TBC1D15: variants seen among roughly 807,000 people sequenced by gnomAD.
The protein encoded by TBC1D15 is GAP for RAB7.
Under a neutral mutation model 95.4 loss-of-function variants are expected in TBC1D15, and 39 were observed. The ratio of observed to expected loss-of-function variants is 0.41; its 90% CI spans 0.32 to 0.53. The LOEUF (loss-of-function observed/expected upper bound fraction) is 0.53. TBC1D15 is among the 20% of genes least tolerant of loss of function. The pLI is 0.29. For missense variants in TBC1D15, 733 were observed against 794.3 expected, an observed-to-expected ratio of 0.92 and a Z score of 0.93; for synonymous variants, 258 against 261.3, an observed-to-expected ratio of 0.99 and a Z score of 0.12.
chr12:71,919,219 TTA>T (rs1322706164), intron 14 of TBC1D15, among the ~76,000 whole-genome samples: 20 of 150,692 alleles, frequency 1.3e-4, no homozygotes, highest in African/African-American at 3.7e-4. Flanking sequence ...TTTTTTTTTT[TTA>T]AAGAGAAGGG....
chr12:71,896,182 T>A (rs902495490), intron 8 of TBC1D15, 107 bp downstream of exon 8: 1 of 1,124,144 alleles, frequency 8.9e-7, no homozygotes, highest in Non-Finnish European at 1.2e-6. Flanking sequence ...TTGGTTTTTT[T>A]TTTTTTTGGT....
At position 71,895,402 on chromosome 12, in the gene TBC1D15, CTTAA is replaced by C. The variant is rs200753666; in HGVS notation, c.855+524_855+527del. On this transcript the variant is annotated intron_variant, in intron 7 of 16. Coordinates refer to ENST00000485960, the MANE Select transcript of TBC1D15 (RefSeq NM_001146213.3). ...AACTATAAATATCTAAATTTTAGTG[CTTAA>C]TTAAAGGGTTTATCTTGCAAATACT... is the stretch of plus-strand genomic sequence containing the variant. Among the ~76,000 whole-genome samples the C allele has an allele frequency of 7.3e-4, 111 of 152,048 alleles. 1 individual carries two copies. In the East Asian group the frequency reaches 0.02, roughly 27 times the overall value.
At chr12:71,861,277 T>C (rs986251295) in intron 1 of TBC1D15, 2 of 443,474 alleles carry the variant, frequency 4.5e-6, no homozygotes, top group Non-Finnish European at 3.9e-6. Flanking sequence ...TTGGGAAGAA[T>C]TGACATTTGT....
At chr12:71,878,997 T>C (rs1017033417) in intron 3 of TBC1D15, among the ~76,000 whole-genome samples, 7 of 152,208 alleles carry the variant, frequency 4.6e-5, no homozygotes, top group Admixed American at 4.6e-4. Flanking sequence ...TTTTCATTCT[T>C]ACTAATTTTC....
intron 1 of TBC1D15, among the ~76,000 whole-genome samples, chr12:71,865,823 AG>A (rs1891375098): frequency 6.6e-6 from 1 of 152,090 alleles, no homozygotes; most frequent in Non-Finnish European, 1.5e-5. Flanking sequence ...CCAGTTTCCC[AG>A]GGAGTGATAT....
At chr12:71,887,485 A>G (rs1337393771) in intron 5 of TBC1D15, among the ~76,000 whole-genome samples, 3 of 152,156 alleles carry the variant, frequency 2.0e-5, no homozygotes, top group Non-Finnish European at 4.4e-5. Context: ...CTTAAAACTC[A>G]TCTCATGCCA....
chr12:71,923,287 G>T lies in TBC1D15; in HGVS notation c.*83G>T. The T allele has an allele frequency of 7.8e-7, 1 of 1,276,908 alleles. No individual in the cohort carries two copies. The highest frequency in any genetic ancestry group is 1.1e-6 in the Non-Finnish European group (1 of 891,174). 79.1% of individuals were successfully genotyped at this position (1,276,908 alleles called of 1,614,324 possible). On this transcript the variant is annotated 3_prime_UTR_variant, in exon 17 of 17. Transcript: ENST00000485960. ...TGAAAGTTGAAAATTTGAAATCTTGGTATTGATCATGCTTTAAGGTTTATG... is the reference window on the plus strand; with the variant it reads ...TGAAAGTTGAAAATTTGAAATCTTGTTATTGATCATGCTTTAAGGTTTATG...
intron 3 of TBC1D15, among the ~76,000 whole-genome samples, chr12:71,876,037 C>T (rs1464737412): frequency 6.6e-6 from 1 of 152,132 alleles, no homozygotes; most frequent in Non-Finnish European, 1.5e-5. Flanking sequence ...TCGTGATCTG[C>T]CTGCCTTGGC....
intron 1 of TBC1D15, among the ~76,000 whole-genome samples, chr12:71,846,444 A>T (rs562054923): frequency 6.6e-6 from 1 of 152,330 alleles, no homozygotes; most frequent in African/African-American, 2.4e-5. Context: ...AGGAACTCTA[A>T]TACCTTTTAA....
chr12:71,902,877 CA>C, intron 10 of TBC1D15, among the ~76,000 whole-genome samples: 1 of 152,056 alleles, frequency 6.6e-6, no homozygotes, highest in African/African-American at 2.4e-5. Context: ...AATCAACAAG[CA>C]AAAACAACCC....
intron 5 of TBC1D15, among the ~76,000 whole-genome samples, chr12:71,886,913 A>G (rs1303616028): frequency 5.3e-5 from 8 of 152,134 alleles, no homozygotes; most frequent in Non-Finnish European, 1.0e-4. Flanking sequence ...AAATGAGATC[A>G]TTTGGTCTGA....
At chr12:71,896,489 C>G in intron 8 of TBC1D15, 188 bp from the exon 9 acceptor site, 1 of 588,974 alleles carries the variant, frequency 1.7e-6, no homozygotes, top group South Asian at 2.2e-5. Context: ...ACTGTTTAAA[C>G]TTTCTGGCAG....
chr12:71,887,736 C>T (rs1233213299), intron 5 of TBC1D15, among the ~76,000 whole-genome samples: 1 of 152,168 alleles, frequency 6.6e-6, no homozygotes, highest in Non-Finnish European at 1.5e-5. Context: ...TTGCTTCCTT[C>T]ATGGCATCTA....
Position 71,872,909 on chromosome 12 carries a change from T to C in TBC1D15, c.130-20T>C. 2.6e-6 allele frequency: 4 copies of C among 1,548,504 alleles called. No homozygotes were observed. Among genetic ancestry groups the C allele is most frequent in the Non-Finnish European group, 3.5e-6 (4 of 1,135,606 alleles). On this transcript the variant is annotated intron_variant, in intron 2 of 16. Transcript: ENST00000485960. ...ACATATTGCTGAATATTAAATATAG[T>C]TCATAATTTCTTTCTCTAGGATGCC... is the stretch of plus-strand genomic sequence containing the variant.
At chr12:71,909,648 G>A (rs1263828295) in intron 11 of TBC1D15, among the ~76,000 whole-genome samples, 1 of 152,078 alleles carries the variant, frequency 6.6e-6, no homozygotes, top group Non-Finnish European at 1.5e-5. Flanking sequence ...CAGTAACCTG[G>A]AAAATTGAAC....
At chr12:71,880,340 A>G in intron 3 of TBC1D15, 129 bp from the exon 4 acceptor site, 1 of 672,914 alleles carries the variant, frequency 1.5e-6, no homozygotes, top group Non-Finnish European at 2.4e-6. Flanking sequence ...AAGTATAGGA[A>G]ATGGTGTTCA....
intron 3 of TBC1D15, among the ~76,000 whole-genome samples, chr12:71,875,004 A>G (rs987477149): frequency 1.3e-5 from 2 of 150,886 alleles, no homozygotes; most frequent in African/African-American, 4.9e-5. Context: ...GCATGGTGTG[A>G]TCTCGGCTCA....
intron 13 of TBC1D15, 74 bp from the exon 14 acceptor site, chr12:71,918,377 T>C: frequency 1.1e-6 from 1 of 948,834 alleles, no homozygotes; most frequent in Non-Finnish European, 1.6e-6. Context: ...ATAGGAAAGT[T>C]AGAGAAAAGT....
intron 10 of TBC1D15, among the ~76,000 whole-genome samples, chr12:71,906,738 A>G (rs1900811462): frequency 6.6e-6 from 1 of 151,742 alleles, no homozygotes; most frequent in Admixed American, 6.6e-5. Context: ...CTTTTAATTC[A>G]TTGAAAATGT....
Sources: gnomAD v4.1 joint callset for allele counts (sites outside exome capture counted in the v4.1 genomes callset) on GRCh38, gnomAD v4.1.1 for gene constraint, MANE v1.5 for transcripts, NCBI Gene and HGNC (gene_info 2026-07-23, HGNC 2026-07-21) for gene names.